KAZN: variants seen among roughly 807,000 people sequenced by gnomAD.
KAZN encodes kazrin.
A neutral mutation model predicts 87.4 loss-of-function variants in KAZN; 40 were observed. The ratio of observed to expected loss-of-function variants is 0.46; its 90% CI spans 0.36 to 0.60. The LOEUF (loss-of-function observed/expected upper bound fraction) is 0.60. KAZN is among the 20% of genes least tolerant of loss of function. KAZN has a pLI of 0.00. For synonymous variants in KAZN, 466 were observed against 458.3 expected (o/e 1.02, Z -0.22); for missense variants, 898 against 1,073.9 (o/e 0.84, Z 2.29).
chr1:14,774,660 T>C (rs1645124736), intron 1 of KAZN, among the ~76,000 whole-genome samples: 1 of 151,988 alleles, frequency 6.6e-6, no homozygotes, highest in African/African-American at 2.4e-5. Flanking sequence ...ATTTTAAAAT[T>C]TTTTAGAAGA....
intron 2 of KAZN, among the ~76,000 whole-genome samples, chr1:14,976,031 C>CA (rs1162988294): frequency 0.018 from 1,503 of 85,200 alleles, 42 homozygotes; most frequent in Non-Finnish European, 0.026. Context: ...GACTCCGTCT[C>CA]AAAAAAAAAA....
At chr1:15,016,073 AT>A (rs1670064000) in intron 2 of KAZN, among the ~76,000 whole-genome samples, 1 of 149,840 alleles carries the variant, frequency 6.7e-6, no homozygotes, top group African/African-American at 2.5e-5. Context: ...AGATGAGATC[AT>A]TCTGGGACAA....
At chr1:14,504,442 G>C (rs1670441215) in intron 2 of KAZN, among the ~76,000 whole-genome samples, 1 of 152,212 alleles carries the variant, frequency 6.6e-6, no homozygotes. Context: ...TTCTCTTGTG[G>C]AGAAAGAAGC....
intron 2 of KAZN, among the ~76,000 whole-genome samples, chr1:14,971,858 G>C (rs1665085489): frequency 1.3e-5 from 2 of 151,980 alleles, no homozygotes; most frequent in Admixed American, 1.3e-4. Flanking sequence ...AAGGCTGCAA[G>C]GTTGCTCTCT....
intron 13 of KAZN, among the ~76,000 whole-genome samples, chr1:15,108,967 G>A (rs896394454): frequency 5.9e-5 from 9 of 152,144 alleles, no homozygotes; most frequent in African/African-American, 1.9e-4. Flanking sequence ...CCTAGATGGG[G>A]GGATTTCAGC....
chr1:14,387,989 G>A (rs575844153), intron 2 of KAZN, among the ~76,000 whole-genome samples: 37 of 152,330 alleles, frequency 2.4e-4, no homozygotes, highest in Admixed American at 7.2e-4. Context: ...AGGACCCTCC[G>A]ATCCAGGTGC....
At chr1:14,734,082 G>A (rs1290792311) in intron 1 of KAZN, among the ~76,000 whole-genome samples, 2 of 152,188 alleles carry the variant, frequency 1.3e-5, no homozygotes, top group Non-Finnish European at 2.9e-5. Context: ...CACAGTCCAA[G>A]GAACTTTGGT....
At chr1:14,676,060 C>G (rs980169674) in intron 1 of KAZN, among the ~76,000 whole-genome samples, 3 of 152,126 alleles carry the variant, frequency 2.0e-5, no homozygotes, top group Admixed American at 6.5e-5. Flanking sequence ...GGAGAGTGAC[C>G]AGCACCTGCA....
At chr1:14,338,653 A>G (rs915840959) in intron 2 of KAZN, among the ~76,000 whole-genome samples, 5 of 152,174 alleles carry the variant, frequency 3.3e-5, no homozygotes, top group African/African-American at 1.2e-4. Flanking sequence ...TCTCTGGGCA[A>G]AGCCTGAAAC....
intron 2 of KAZN, among the ~76,000 whole-genome samples, chr1:15,027,099 T>TTTTTTG (rs1671247345): frequency 7.9e-6 from 1 of 126,654 alleles, no homozygotes; most frequent in South Asian, 2.8e-4. Context: ...TTTTTTTTTT[T>TTTTTTG]GAGACAGAGT....
At chr1:14,822,267 G>A (rs1267669992) in intron 1 of KAZN, among the ~76,000 whole-genome samples, 2 of 152,180 alleles carry the variant, frequency 1.3e-5, no homozygotes, top group Non-Finnish European at 2.9e-5. Context: ...AACAGGGCAG[G>A]GAAAGAGGCT....
rs578243386 is a variant in KAZN, at chr1:14,292,313, A to G, written c.249+111721A>G. ...TTTCTGTTCTGGCAGTATTCAGGGTAGAGAACACAGAGAGGGAGAAATGAG... is the reference window on the plus strand; with the variant it reads ...TTTCTGTTCTGGCAGTATTCAGGGTGGAGAACACAGAGAGGGAGAAATGAG... On this transcript the variant is annotated intron_variant, in intron 2 of 16. Transcript: ENST00000636203. Among the ~76,000 whole-genome samples the G allele has an allele frequency of 5.1e-4, 78 of 152,298 alleles. 1 individual carries two copies. The highest frequency in any genetic ancestry group is 1.9e-3 in the South Asian group (9 of 4,820).
In KAZN at chr1:14,583,401, C is replaced by T. The variant is rs557123595; in HGVS notation, c.250-15582C>T. On this transcript the variant is annotated intron_variant, in intron 2 of 16. Transcript: ENST00000636203. Reference sequence around the variant, plus strand: ...ACGAGAACACCTGCAATCCAGTTTCCTGCATGCAGACATGGGAATGCTCTA... The same window carrying T: ...ACGAGAACACCTGCAATCCAGTTTCTTGCATGCAGACATGGGAATGCTCTA... Among the ~76,000 whole-genome samples, 4 of 152,330 alleles carry T rather than the reference C, an allele frequency of 2.6e-5. No homozygotes were observed. In the South Asian group the frequency reaches 8.3e-4, roughly 32 times the overall value.
intron 1 of KAZN, among the ~76,000 whole-genome samples, chr1:14,914,762 T>C (rs948083402): frequency 2.0e-5 from 3 of 152,084 alleles, no homozygotes; most frequent in Admixed American, 2.0e-4. Context: ...AGCTCCACCT[T>C]ATACTAGCTG....
intron 2 of KAZN, among the ~76,000 whole-genome samples, chr1:14,307,072 A>G (rs1242822057): frequency 1.3e-5 from 2 of 152,208 alleles, no homozygotes; most frequent in East Asian, 3.8e-4. Flanking sequence ...CACCCAGCAG[A>G]AAGCAGAGTA....
At chr1:14,201,410 C>T (rs945805892) in intron 2 of KAZN, among the ~76,000 whole-genome samples, 4 of 152,204 alleles carry the variant, frequency 2.6e-5, no homozygotes, top group Admixed American at 6.5e-5. Context: ...GTCCCTGTGT[C>T]TCCAATGACA....
intron 1 of KAZN, among the ~76,000 whole-genome samples, chr1:14,027,200 T>G (rs1357267746): frequency 6.6e-6 from 1 of 152,192 alleles, no homozygotes; most frequent in Non-Finnish European, 1.5e-5. Flanking sequence ...CTGAATCCCA[T>G]GCTCAAAGCA....
intron 1 of KAZN, among the ~76,000 whole-genome samples, chr1:13,939,111 T>A (rs889457398): frequency 3.3e-5 from 5 of 152,248 alleles, no homozygotes; most frequent in African/African-American, 1.2e-4. Flanking sequence ...CATGCTAATA[T>A]CTCTAGCAAG....
intron 1 of KAZN, among the ~76,000 whole-genome samples, chr1:14,753,590 A>G (rs1305469035): frequency 1.3e-5 from 2 of 152,160 alleles, no homozygotes; most frequent in African/African-American, 2.4e-5. Flanking sequence ...AAATTAAAAA[A>G]AAATAAAATA....
Sources: gnomAD v4.1 joint callset for allele counts (sites outside exome capture counted in the v4.1 genomes callset) on GRCh38, gnomAD v4.1.1 for gene constraint, MANE v1.5 for transcripts, NCBI Gene and HGNC (gene_info 2026-07-23, HGNC 2026-07-21) for gene names.